The following DAPK1 variants were observed in gnomAD, a reference collection of about 807,000 sequenced individuals.
DAPK1 encodes death-associated protein kinase 1.
A neutral mutation model predicts 144.9 loss-of-function variants in DAPK1; 56 were observed. That is an observed-to-expected ratio of 0.39 (90% CI 0.31 to 0.48). The LOEUF (loss-of-function observed/expected upper bound fraction) is 0.48, where lower values mean the gene tolerates loss of function less well. DAPK1 is among the 20% of genes least tolerant of loss of function. The pLI, the probability that DAPK1 is intolerant of heterozygous loss-of-function variation, is 0.95. For synonymous variants in DAPK1, 690 were observed against 749.0 expected, an observed-to-expected ratio of 0.92 and a Z score of 1.29; for missense variants, 1,454 against 1,875.4, an observed-to-expected ratio of 0.78 and a Z score of 4.15.
chr9:87,613,965 C>G lies in DAPK1; in HGVS notation c.284+8790C>G, dbSNP rs372146422. Among the ~76,000 whole-genome samples, 390 of 152,304 alleles carry G rather than the reference C, an allele frequency of 2.6e-3. 1 individual carries two copies. Among genetic ancestry groups the G allele is most frequent in the South Asian group, 4.8e-3 (23 of 4,818 alleles). On this transcript the variant is annotated intron_variant, in intron 3 of 25. Transcript: ENST00000408954. ...TCTTGTGGGTTCCACTTCTGGCATC[C>G]CGCTCCTCAGATACCTACTATTAGG... is the stretch of plus-strand genomic sequence containing the variant.
At chr9:87,596,028 T>C (rs1828304846) in intron 2 of DAPK1, among the ~76,000 whole-genome samples, 1 of 152,184 alleles carries the variant, frequency 6.6e-6, no homozygotes, top group African/African-American at 2.4e-5. Flanking sequence ...AGTATTGCTT[T>C]CCTCTGCCTC....
At chr9:87,601,777 C>T (rs1828526884) in intron 2 of DAPK1, among the ~76,000 whole-genome samples, 1 of 152,270 alleles carries the variant, frequency 6.6e-6, no homozygotes, top group Admixed American at 6.5e-5. Context: ...AAACTGAGGC[C>T]TAGAGTGGCT....
chr9:87,554,419 A>G (rs929003350), intron 2 of DAPK1: 2 of 151,104 alleles, frequency 1.3e-5, no homozygotes, highest in Admixed American at 1.3e-4. Flanking sequence ...CAATACTGGA[A>G]GAAGCAGTAA....
At chr9:87,705,211 A>G (rs1825595409) in intron 25 of DAPK1, among the ~76,000 whole-genome samples, 1 of 147,686 alleles carries the variant, frequency 6.8e-6, no homozygotes. Flanking sequence ...TATAGGCTAC[A>G]TTTATTTATT....
chr9:87,508,331 A>G (rs1824690596), intron 2 of DAPK1, among the ~76,000 whole-genome samples: 1 of 148,244 alleles, frequency 6.7e-6, no homozygotes, highest in South Asian at 2.2e-4. Context: ...TTTTCACCTT[A>G]GAAAGATTGT....
At chr9:87,676,801 G>T (rs1398048017) in intron 19 of DAPK1, among the ~76,000 whole-genome samples, 1 of 152,200 alleles carries the variant, frequency 6.6e-6, no homozygotes, top group African/African-American at 2.4e-5. Flanking sequence ...ACTGTGAGGG[G>T]CCCTCCTTGG....
At position 87,640,869 on chromosome 9, in the gene DAPK1, T is replaced by C. The variant is rs771848166; in HGVS notation, c.828+22T>C. ...CAAGGTGAGTTGCATATTACGAAAC[T>C]GTTTAGATCACTTTCTATGTGATTG... On this transcript the variant is annotated intron_variant, in intron 9 of 25. Transcript: ENST00000408954. 3 of 1,612,136 alleles carry C rather than the reference T, an allele frequency of 1.9e-6. No individual in the cohort carries two copies. In the South Asian group the frequency reaches 3.3e-5, roughly 18 times the overall value.
chr9:87,536,185 C>G (rs900849220), intron 2 of DAPK1, among the ~76,000 whole-genome samples: 4 of 152,160 alleles, frequency 2.6e-5, no homozygotes, highest in Non-Finnish European at 5.9e-5. Flanking sequence ...AAAGCTACAG[C>G]CTCTGGGTTA....
chr9:87,524,654 T>G (rs888330), intron 2 of DAPK1, among the ~76,000 whole-genome samples: 35,213 of 151,926 alleles, frequency 0.23, 5,036 homozygotes, highest in South Asian at 0.39. Flanking sequence ...TGCCCATCAA[T>G]CAAAAAGTGG....
At chr9:87,640,593 G>A (rs1830062504) in intron 8 of DAPK1, 143 bp downstream of exon 8, 2 of 1,084,150 alleles carry the variant, frequency 1.8e-6, no homozygotes, top group Non-Finnish European at 2.7e-6. Context: ...AAACGCTTCA[G>A]AAAATGCAAG....
intron 2 of DAPK1, among the ~76,000 whole-genome samples, chr9:87,570,759 A>G (rs1827299816): frequency 6.7e-6 from 1 of 149,254 alleles, no homozygotes; most frequent in Non-Finnish European, 1.5e-5. Context: ...GCTGTTCAAA[A>G]TGCCTGATTC....
intron 2 of DAPK1, among the ~76,000 whole-genome samples, chr9:87,514,285 G>A (rs1333524214): frequency 6.6e-6 from 1 of 152,212 alleles, no homozygotes; most frequent in Non-Finnish European, 1.5e-5. Context: ...GATGGTCTGA[G>A]CGTGAGGTCT....
At chr9:87,639,601 C>G in intron 5 of DAPK1, 49 bp from the exon 6 acceptor site, 1 of 1,611,104 alleles carries the variant, frequency 6.2e-7, no homozygotes, top group Non-Finnish European at 8.5e-7. Context: ...AAGATAGAAT[C>G]GGTTAGTTTG....
intron 4 of DAPK1, among the ~76,000 whole-genome samples, chr9:87,638,452 C>T (rs1048478964): frequency 6.6e-6 from 1 of 152,180 alleles, no homozygotes; most frequent in East Asian, 1.9e-4. Flanking sequence ...GATGCAAAGG[C>T]GTATGGCCTG....
chr9:87,532,958 A>G (rs11141869), intron 2 of DAPK1, among the ~76,000 whole-genome samples: 68,133 of 151,930 alleles, frequency 0.45, 15,551 homozygotes, highest in South Asian at 0.58. Context: ...ACATTTCAAC[A>G]ATAGGTTACT....
chr9:87,627,733 C>T (rs1829539058), intron 3 of DAPK1, among the ~76,000 whole-genome samples: 1 of 152,188 alleles, frequency 6.6e-6, no homozygotes, highest in Non-Finnish European at 1.5e-5. Context: ...CTTATTCTGT[C>T]ATTAGCATGA....
At chr9:87,631,482 C>T (rs928970358) in intron 3 of DAPK1, among the ~76,000 whole-genome samples, 2 of 152,134 alleles carry the variant, frequency 1.3e-5, no homozygotes, top group Non-Finnish European at 2.9e-5. Flanking sequence ...TTCCAGCTCT[C>T]TTGGTGAAAA....
chr9:87,640,566 G>A (rs1830061687), intron 8 of DAPK1, 116 bp downstream of exon 8: 2 of 1,241,284 alleles, frequency 1.6e-6, no homozygotes, highest in Middle Eastern at 4.5e-4. Context: ...ATCTGCCAAA[G>A]GGCAGCATGC....
At chr9:87,620,365 T>C (rs1232756362) in intron 3 of DAPK1, among the ~76,000 whole-genome samples, 1 of 152,156 alleles carries the variant, frequency 6.6e-6, no homozygotes, top group African/African-American at 2.4e-5. Flanking sequence ...CTCCTCAGAC[T>C]AAGGGAAGAA....
Sources: gnomAD v4.1 joint callset for allele counts (sites outside exome capture counted in the v4.1 genomes callset) on GRCh38, gnomAD v4.1.1 for gene constraint, MANE v1.5 for transcripts, NCBI Gene and HGNC (gene_info 2026-07-23, HGNC 2026-07-21) for gene names.